GTF2H1: variants seen among roughly 807,000 people sequenced by gnomAD.
The protein encoded by GTF2H1 is general transcription factor IIH subunit 1, also known as BTF2 p62.
Under a neutral mutation model 71.2 loss-of-function variants are expected in GTF2H1, and 16 were observed. The observed-to-expected ratio is 0.22, with a 90% confidence interval of 0.15 to 0.34. GTF2H1 has a LOEUF of 0.34. Among genes scored for constraint, GTF2H1 ranks in the 10% least tolerant of loss-of-function variants. The probability of loss-of-function intolerance (pLI) is 1.00; values close to 1 mark genes in which losing one functional copy is unlikely to be tolerated. For missense variants in GTF2H1, 498 were observed against 648.2 expected (o/e 0.77, Z 2.52); for synonymous variants, 215 against 219.0 (o/e 0.98, Z 0.16).
At chr11:18,334,944 TG>T (rs769539133) in intron 2 of GTF2H1, among the ~76,000 whole-genome samples, 9 of 152,360 alleles carry the variant, frequency 5.9e-5, no homozygotes, top group Non-Finnish European at 1.2e-4. Context: ...TTGTGGTTTT[TG>T]GTTTATTTTT....
intron 5 of GTF2H1, among the ~76,000 whole-genome samples, chr11:18,339,872 A>G (rs1203877277): frequency 6.6e-6 from 1 of 152,174 alleles, no homozygotes; most frequent in African/African-American, 2.4e-5. Context: ...GTCTGTCTGT[A>G]CTACTAACTC....
At chr11:18,358,071 TC>T (rs1865604905) in intron 12 of GTF2H1, 29 bp downstream of exon 12, 9 of 1,509,828 alleles carry the variant, frequency 6.0e-6, no homozygotes, top group African/African-American at 1.4e-5. Flanking sequence ...TCTACTACTT[TC>T]TGCCTAAATC....
chr11:18,341,291 A>G lies in GTF2H1; in HGVS notation c.638A>G (p.His213Arg), dbSNP rs745937137. 5 of 1,613,220 alleles carry G rather than the reference A, an allele frequency of 3.1e-6. No individual in the cohort carries two copies. The highest frequency in any genetic ancestry group is 4.2e-6 in the Non-Finnish European group (5 of 1,179,716). ...VKMKYAENVP[H>R]NMTEKEFWTR... Reference sequence around the variant, plus strand: ...ATGAAATATGCAGAAAATGTTCCCCACAACATGACAGAGAAGGAATTCTGG... The same window carrying G: ...ATGAAATATGCAGAAAATGTTCCCCGCAACATGACAGAGAAGGAATTCTGG... The change falls in exon 6 of 15, where the codon CAC becomes CGC. Residue 213 changes from histidine to arginine, a missense_variant. Around this residue, in one of 3 missense-constraint regions of GTF2H1, gnomAD observed 216 missense variants for 306.2 expected, o/e 0.71. Coordinates refer to ENST00000265963, the MANE Select transcript of GTF2H1 (RefSeq NM_005316.4).
At chr11:18,338,779 A>AT (rs1056308961) in intron 4 of GTF2H1, among the ~76,000 whole-genome samples, 1 of 151,960 alleles carries the variant, frequency 6.6e-6, no homozygotes, top group Non-Finnish European at 1.5e-5. Context: ...AATACATATA[A>AT]TTTTTTTTAA....
In GTF2H1 at chr11:18,364,887, G is replaced by C. The variant is rs543359281; in HGVS notation, c.1561-896G>C. ...TCTTGGGTCTCATCCCAGGCCTGTT[G>C]AATCAGAATCTTCAGGAGAATAAGG... is the stretch of plus-strand genomic sequence containing the variant. On this transcript the variant is annotated intron_variant, in intron 14 of 14. Coordinates refer to ENST00000265963, the MANE Select transcript of GTF2H1 (RefSeq NM_005316.4). Among the ~76,000 whole-genome samples, 91 of 152,138 alleles carry C rather than the reference G, an allele frequency of 6.0e-4. 3 individuals carry two copies. The South Asian group carries it at 0.015, about 25-fold the overall frequency.
chr11:18,334,750 A>C (rs993580182), intron 2 of GTF2H1, among the ~76,000 whole-genome samples: 2 of 152,248 alleles, frequency 1.3e-5, no homozygotes, highest in Non-Finnish European at 2.9e-5. Context: ...AAAATTTTAA[A>C]GAATGATACA....
chr11:18,351,194 G>A (rs766457892), intron 9 of GTF2H1, among the ~76,000 whole-genome samples: 15 of 151,890 alleles, frequency 9.9e-5, no homozygotes, highest in Non-Finnish European at 2.1e-4. Context: ...TTAGGAGACT[G>A]AGTTTGGCTG....
chr11:18,355,921 T>C (rs1321976964), intron 11 of GTF2H1, among the ~76,000 whole-genome samples: 1 of 152,142 alleles, frequency 6.6e-6, no homozygotes. Flanking sequence ...GTCAAACCCT[T>C]CCTACCCACT....
At chr11:18,343,641 G>A (rs1865215835) in intron 7 of GTF2H1, among the ~76,000 whole-genome samples, 1 of 152,122 alleles carries the variant, frequency 6.6e-6, no homozygotes, top group Non-Finnish European at 1.5e-5. Flanking sequence ...ACCATAGTCT[G>A]TCTTTGACTG....
chr11:18,355,380 T>C (rs1231147484), intron 11 of GTF2H1, among the ~76,000 whole-genome samples: 1 of 150,966 alleles, frequency 6.6e-6, no homozygotes, highest in African/African-American at 2.4e-5. Flanking sequence ...CCTGACCTCG[T>C]GATCCACCCG....
At chr11:18,342,391 A>G (rs1590189184) in intron 7 of GTF2H1, among the ~76,000 whole-genome samples, 1 of 149,978 alleles carries the variant, frequency 6.7e-6, no homozygotes, top group Non-Finnish European at 1.5e-5. Context: ...CCTCCCAAGT[A>G]GCTGGAATTA....
At chr11:18,350,793 T>G (rs1211261508) in intron 9 of GTF2H1, among the ~76,000 whole-genome samples, 1 of 152,190 alleles carries the variant, frequency 6.6e-6, no homozygotes, top group Non-Finnish European at 1.5e-5. Flanking sequence ...CAAGGCTGAT[T>G]TGCACAAATG....
At position 18,366,338 on chromosome 11, in the gene GTF2H1, A is replaced by G. The variant is rs1193166757; in HGVS notation, c.*469A>G. On this transcript the variant is annotated 3_prime_UTR_variant, in exon 15 of 15. Transcript: ENST00000265963. ...TTATGGCACAGGGTAGACCTTAAGT[A>G]TTCCTCCTCCATCCTTCATTCTTCA... 6.5e-6 allele frequency: 1 copy of G among 153,164 alleles called. No individual in the cohort carries two copies. The highest frequency in any genetic ancestry group is 1.5e-5 in the Non-Finnish European group (1 of 68,496). The allele number at this position is 153,164 out of a possible 1,614,324, so 9.5% of individuals were successfully genotyped here.
chr11:18,365,078 GAAAAA>G (rs397849386), intron 14 of GTF2H1, among the ~76,000 whole-genome samples: 1 of 140,816 alleles, frequency 7.1e-6, no homozygotes, highest in Non-Finnish European at 1.5e-5. Context: ...ATTTAAAAAA[GAAAAA>G]AAAAAAAAAC....
At chr11:18,328,258 CCCA>C (rs1565003214) in intron 1 of GTF2H1, among the ~76,000 whole-genome samples, 2 of 149,900 alleles carry the variant, frequency 1.3e-5, no homozygotes, top group Non-Finnish European at 3.0e-5. Flanking sequence ...CGCCTGTAAT[CCCA>C]GCACTTTGGG....
At position 18,365,883 on chromosome 11, in the gene GTF2H1, C is replaced by T. The variant is rs759261867; in HGVS notation, c.*14C>T. 1.1e-5 allele frequency: 18 copies of T among 1,591,488 alleles called. No homozygotes were observed. The highest frequency in any genetic ancestry group is 1.6e-5 in the Non-Finnish European group (18 of 1,159,882). On this transcript the variant is annotated 3_prime_UTR_variant, in exon 15 of 15. Coordinates refer to ENST00000265963, the MANE Select transcript of GTF2H1 (RefSeq NM_005316.4). Reference sequence around the variant, plus strand: ...AAGAAAACGTGAGGTGGCCATGATGCTTACAGGTTTTGTGAGATTGAGAGA... The same window carrying T: ...AAGAAAACGTGAGGTGGCCATGATGTTTACAGGTTTTGTGAGATTGAGAGA...
intron 2 of GTF2H1, among the ~76,000 whole-genome samples, chr11:18,334,045 CA>C (rs1864963756): frequency 6.6e-6 from 1 of 152,118 alleles, no homozygotes; most frequent in African/African-American, 2.4e-5. Flanking sequence ...AGTTTGAGAC[CA>C]GCCTGCTCAA....
At chr11:18,361,728 T>G (rs1311434691) in intron 14 of GTF2H1, among the ~76,000 whole-genome samples, 1 of 152,174 alleles carries the variant, frequency 6.6e-6, no homozygotes, top group African/African-American at 2.4e-5. Context: ...TTTATTAATT[T>G]GGAAAAACTG....
At chr11:18,347,404 G>A in intron 7 of GTF2H1, 184 bp from the exon 8 acceptor site, 1 of 515,906 alleles carries the variant, frequency 1.9e-6, no homozygotes, top group Non-Finnish European at 3.4e-6. Flanking sequence ...AAACGAGTTA[G>A]TGCTATTTGT....
Sources: allele counts gnomAD v4.1 joint callset (sites outside exome capture counted in the v4.1 genomes callset), GRCh38; gene constraint gnomAD v4.1.1; regional missense constraint gnomAD v4.1.1; transcripts MANE v1.5; gene names NCBI Gene and HGNC (gene_info 2026-07-23, HGNC 2026-07-21).